NHEJ1: variants seen among roughly 807,000 people sequenced by gnomAD.
NHEJ1 encodes the protein non-homologous end joining factor 1.
In NHEJ1, 22 loss-of-function variants were observed where a neutral mutation model predicts 39.4. The observed-to-expected ratio is 0.56, with a 90% CI of 0.40 to 0.80. The LOEUF (loss-of-function observed/expected upper bound fraction) is 0.80. Ranked by LOEUF, NHEJ1 falls within the 30% of genes least tolerant of loss-of-function variation. The probability of loss-of-function intolerance (pLI) is 0.00; values close to 1 mark genes in which losing one functional copy is unlikely to be tolerated. For missense variants in NHEJ1, 329 were observed against 357.1 expected (o/e 0.92, Z 0.63); for synonymous variants, 154 against 135.6 (o/e 1.14, Z -0.94).
At chr2:219,153,591 A>G (rs1379807222) in intron 3 of NHEJ1, among the ~76,000 whole-genome samples, 3 of 150,988 alleles carry the variant, frequency 2.0e-5, no homozygotes, top group African/African-American at 7.3e-5. Context: ...TATAATTCCA[A>G]CTCTTTGGGA....
At position 219,076,351 on chromosome 2, in the gene NHEJ1, T is replaced by C; in HGVS notation, c.*30A>G. ...TGAAGCTTGGAAGCTGTTCTCCAAGTCCATCCTCAGCAGCTGAGGCCACAA... is the reference window on the plus strand; with the variant it reads ...TGAAGCTTGGAAGCTGTTCTCCAAGCCCATCCTCAGCAGCTGAGGCCACAA... On this transcript the variant is annotated 3_prime_UTR_variant, in exon 8 of 8. Transcript: ENST00000356853. 1.2e-6 allele frequency: 2 copies of C among 1,614,094 alleles called. No homozygotes were observed. The highest frequency in any genetic ancestry group is 1.3e-5 in the African/African-American group (1 of 75,000).
intron 5 of NHEJ1, among the ~76,000 whole-genome samples, chr2:219,143,116 T>G (rs548275492): frequency 6.6e-6 from 1 of 152,198 alleles, no homozygotes; most frequent in Admixed American, 6.5e-5. Context: ...AATGACCGCA[T>G]GGCCCTCTGA....
intron 3 of NHEJ1, among the ~76,000 whole-genome samples, chr2:219,153,665 C>G (rs1202314773): frequency 3.4e-5 from 4 of 119,138 alleles, no homozygotes; most frequent in Non-Finnish European, 4.8e-5. Flanking sequence ...TATGATGAGA[C>G]TTCATCTCAA....
chr2:219,095,295 C>T (rs1368382629), intron 5 of NHEJ1: 4 of 470,544 alleles, frequency 8.5e-6, no homozygotes, highest in African/African-American at 8.0e-5. Context: ...GAGACCGATG[C>T]AGCATGTAGA....
In NHEJ1 at chr2:219,157,431, C is replaced by T. The variant is rs747739411; in HGVS notation, c.390+41G>A. The T allele has an allele frequency of 1.9e-6, 3 of 1,556,388 alleles. No homozygotes were observed. The African/African-American group carries it at 4.1e-5, about 21-fold the overall frequency. On this transcript the variant is annotated intron_variant, in intron 3 of 7. Coordinates refer to ENST00000356853, the MANE Select transcript of NHEJ1 (RefSeq NM_024782.3). ...CACCTAAAGCTTCCTCTCAAAGCAACTGGCATCCCTCCCCCAACCCCACAT... is the reference window on the plus strand; with the variant it reads ...CACCTAAAGCTTCCTCTCAAAGCAATTGGCATCCCTCCCCCAACCCCACAT...
rs576111061 is a variant in NHEJ1 at position 219,155,822 on chromosome 2, C to G, written c.390+1650G>C. On this transcript the variant is annotated intron_variant, in intron 3 of 7. Coordinates refer to ENST00000356853, the MANE Select transcript of NHEJ1 (RefSeq NM_024782.3). ...CGCCTGTAGTCCCAGCTACGGGGGGCGCTGAGGCAGGAGAATGGCATGAAC... is the reference window on the plus strand; with the variant it reads ...CGCCTGTAGTCCCAGCTACGGGGGGGGCTGAGGCAGGAGAATGGCATGAAC... Among the ~76,000 whole-genome samples, 36 of 150,968 alleles carry G rather than the reference C, an allele frequency of 2.4e-4. No individual in the cohort carries two copies. In the East Asian group the frequency reaches 6.0e-3, roughly 25 times the overall value.
intron 5 of NHEJ1, among the ~76,000 whole-genome samples, chr2:219,117,213 G>T (rs921253122): frequency 6.6e-6 from 1 of 152,068 alleles, no homozygotes; most frequent in Non-Finnish European, 1.5e-5. Flanking sequence ...CTCCTGCCAC[G>T]GTAACCCTTC....
intron 5 of NHEJ1, among the ~76,000 whole-genome samples, chr2:219,141,756 G>C (rs1198337353): frequency 2.6e-5 from 4 of 152,088 alleles, no homozygotes; most frequent in Non-Finnish European, 5.9e-5. Context: ...AACAATAGTT[G>C]ACACTGGGGT....
At chr2:219,131,171 A>G (rs11677506) in intron 5 of NHEJ1, among the ~76,000 whole-genome samples, 75,982 of 151,988 alleles carry the variant, frequency 0.5, 21,247 homozygotes, top group Non-Finnish European at 0.63. Context: ...AGTGTTTTTG[A>G]TAAGACATGT....
At chr2:219,106,282 G>A (rs1185760616) in intron 5 of NHEJ1, among the ~76,000 whole-genome samples, 1 of 152,154 alleles carries the variant, frequency 6.6e-6, no homozygotes, top group Non-Finnish European at 1.5e-5. Context: ...AGAAGTTCCA[G>A]GGAGGGTCAC....
At chr2:219,139,685 T>C (rs1949671622) in intron 5 of NHEJ1, among the ~76,000 whole-genome samples, 1 of 152,138 alleles carries the variant, frequency 6.6e-6, no homozygotes, top group Non-Finnish European at 1.5e-5. Context: ...TGTTTTTGTT[T>C]TTGTTTTCTG....
At chr2:219,160,251 G>C (rs186443554) in intron 1 of NHEJ1, among the ~76,000 whole-genome samples, 1 of 152,222 alleles carries the variant, frequency 6.6e-6, no homozygotes, top group Non-Finnish European at 1.5e-5. Flanking sequence ...GCCCTGCAGA[G>C]GGCAGTAGAG....
chr2:219,105,246 T>C (rs1949302869), intron 5 of NHEJ1, among the ~76,000 whole-genome samples: 1 of 152,170 alleles, frequency 6.6e-6, no homozygotes, highest in African/African-American at 2.4e-5. Context: ...CACTATAGTC[T>C]AAGGTTTGTG....
chr2:219,129,617 C>T (rs977849106), intron 5 of NHEJ1, among the ~76,000 whole-genome samples: 2 of 152,180 alleles, frequency 1.3e-5, no homozygotes, highest in African/African-American at 4.8e-5. Context: ...GGGACTCCCC[C>T]CACTCCAGGC....
intron 5 of NHEJ1, among the ~76,000 whole-genome samples, chr2:219,090,247 T>G (rs1243945232): frequency 6.6e-6 from 1 of 152,180 alleles, no homozygotes; most frequent in Admixed American, 6.5e-5. Flanking sequence ...CAGTGTGGGC[T>G]CTGGAGTTAA....
intron 5 of NHEJ1, among the ~76,000 whole-genome samples, chr2:219,118,235 C>T (rs1486688003): frequency 6.6e-6 from 1 of 152,236 alleles, no homozygotes; most frequent in Non-Finnish European, 1.5e-5. Context: ...TCTTCTTTCT[C>T]TTCAGACTCC....
intron 5 of NHEJ1, among the ~76,000 whole-genome samples, chr2:219,105,193 A>C (rs969008600): frequency 2.3e-4 from 35 of 152,312 alleles, no homozygotes; most frequent in Middle Eastern, 3.4e-3. Flanking sequence ...CACACCTCAT[A>C]ATCTTCCAGT....
chr2:219,117,894 G>A (rs1949430938), intron 5 of NHEJ1, among the ~76,000 whole-genome samples: 1 of 152,226 alleles, frequency 6.6e-6, no homozygotes, highest in Non-Finnish European at 1.5e-5. Flanking sequence ...GGTACAAAAA[G>A]TTGTAGCTAT....
intron 5 of NHEJ1, among the ~76,000 whole-genome samples, chr2:219,136,847 C>T (rs1277286898): frequency 6.6e-6 from 1 of 152,142 alleles, no homozygotes; most frequent in Non-Finnish European, 1.5e-5. Flanking sequence ...AACTGATCTG[C>T]CCGCCTCAGC....
Sources: gnomAD v4.1 joint callset for allele counts (sites outside exome capture counted in the v4.1 genomes callset) on GRCh38, gnomAD v4.1.1 for gene constraint, MANE v1.5 for transcripts, NCBI Gene and HGNC (gene_info 2026-07-23, HGNC 2026-07-21) for gene names.